The following CNOT4 variants were observed in gnomAD, a reference collection of about 807,000 sequenced individuals.
CNOT4 encodes CCR4-NOT transcription complex subunit 4.
Under a neutral mutation model 73.8 loss-of-function variants are expected in CNOT4, and 8 were observed. The observed-to-expected ratio is 0.11, with a 90% CI of 0.06 to 0.20. The LOEUF (loss-of-function observed/expected upper bound fraction) is 0.20, where lower values mean the gene tolerates loss of function less well. Among genes scored for constraint, CNOT4 ranks in the 10% least tolerant of loss-of-function variants. CNOT4 has a pLI of 1.00. For missense variants in CNOT4, 564 were observed against 883.4 expected (o/e 0.64, Z 4.58); for synonymous variants, 293 against 321.1 (o/e 0.91, Z 0.94).
At chr7:135,494,265 T>A (rs1377096768) in intron 1 of CNOT4, among the ~76,000 whole-genome samples, 2 of 150,066 alleles carry the variant, frequency 1.3e-5, no homozygotes, top group African/African-American at 2.5e-5. Context: ...AGGTCAGGAG[T>A]TCAAGACCAG....
intron 1 of CNOT4, among the ~76,000 whole-genome samples, chr7:135,446,467 T>C (rs1359695385): frequency 6.6e-6 from 1 of 152,196 alleles, no homozygotes; most frequent in Admixed American, 6.5e-5. Flanking sequence ...AAAAATATGC[T>C]GTATACACTT....
intron 1 of CNOT4, among the ~76,000 whole-genome samples, chr7:135,443,168 T>C (rs1369537576): frequency 7.0e-6 from 1 of 143,318 alleles, no homozygotes; most frequent in Non-Finnish European, 1.5e-5. Flanking sequence ...CTGGGCACCA[T>C]GGCGAAACCC....
intron 1 of CNOT4, among the ~76,000 whole-genome samples, chr7:135,502,756 C>T (rs1222987750): frequency 7.2e-6 from 1 of 139,176 alleles, no homozygotes; most frequent in Non-Finnish European, 1.5e-5. Context: ...GTGGAGGTTG[C>T]AGTGAGCCAA....
At chr7:135,431,388 T>C (rs963558875) in intron 2 of CNOT4, among the ~76,000 whole-genome samples, 1 of 152,228 alleles carries the variant, frequency 6.6e-6, no homozygotes, top group African/African-American at 2.4e-5. Flanking sequence ...GGCTTCTTGA[T>C]ATAGATGGTC....
At chr7:135,383,607 C>G (rs572683116) in intron 10 of CNOT4, among the ~76,000 whole-genome samples, 1 of 152,342 alleles carries the variant, frequency 6.6e-6, no homozygotes, top group East Asian at 1.9e-4. Context: ...ACTTCCTACA[C>G]TCATGAAAAG....
chr7:135,373,874 C>T (rs1256361135), intron 10 of CNOT4, among the ~76,000 whole-genome samples: 6 of 152,178 alleles, frequency 3.9e-5, no homozygotes, highest in Non-Finnish European at 8.8e-5. Context: ...AGCCACCATG[C>T]CCAGTCTAGA....
chr7:135,446,239 T>C (rs1407283800), intron 1 of CNOT4, among the ~76,000 whole-genome samples: 1 of 152,116 alleles, frequency 6.6e-6, no homozygotes, highest in African/African-American at 2.4e-5. Context: ...GAAAGTGGAA[T>C]AAAGGTTACT....
intron 10 of CNOT4, chr7:135,387,444 A>AAACTCC (rs1022278096): frequency 1.0e-6 from 1 of 983,364 alleles, no homozygotes; most frequent in Non-Finnish European, 1.2e-6. Context: ...GTAACCTTGA[A>AAACTCC]AACTCCAACT....
intron 8 of CNOT4, among the ~76,000 whole-genome samples, chr7:135,396,655 AAATCTTTGTATGATTCT>A (rs1464632076): frequency 6.6e-6 from 1 of 152,212 alleles, no homozygotes; most frequent in Non-Finnish European, 1.5e-5. Context: ...TTTGTATAAT[AAATCTTTGTATGATTCT>A]TAGGTATTTA....
chr7:135,409,433 CA>C (rs1371364362), intron 7 of CNOT4, among the ~76,000 whole-genome samples: 1 of 152,004 alleles, frequency 6.6e-6, no homozygotes, highest in African/African-American at 2.4e-5. Context: ...TTTATATTTA[CA>C]TACACATATA....
rs189599483 is a variant in CNOT4 at position 135,431,008 on chromosome 7, A to G, written c.174+7150T>C. Among the ~76,000 whole-genome samples, 437 of 152,322 alleles carry G rather than the reference A, an allele frequency of 2.9e-3. 1 individual carries two copies. Among genetic ancestry groups the G allele is most frequent in the African/African-American group, 8.0e-3 (331 of 41,560 alleles). The stretch of plus-strand genomic sequence containing the variant: ...GCCAGGTGCAGTGACTCATGCCTAT[A>G]ATCCCAGCATTTTGGAGGGGACTGA... On this transcript the variant is annotated intron_variant, in intron 2 of 11. Transcript: ENST00000541284.
At chr7:135,457,638 C>T (rs1286503830) in intron 1 of CNOT4, among the ~76,000 whole-genome samples, 1 of 152,046 alleles carries the variant, frequency 6.6e-6, no homozygotes, top group Non-Finnish European at 1.5e-5. Context: ...TACTATTTTA[C>T]ATAAAATATC....
chr7:135,380,680 T>C (rs905723929), intron 10 of CNOT4, among the ~76,000 whole-genome samples: 2 of 152,218 alleles, frequency 1.3e-5, no homozygotes, highest in Non-Finnish European at 2.9e-5. Context: ...AGATTCTGAA[T>C]CTTAAAAGTT....
intron 10 of CNOT4, chr7:135,387,092 A>G: frequency 2.0e-6 from 2 of 984,548 alleles, no homozygotes; most frequent in Non-Finnish European, 2.4e-6. Flanking sequence ...TTGGCCTCTT[A>G]CAGTAAAAAT....
chr7:135,361,832 G>C lies in CNOT4; in HGVS notation c.*1053C>G, dbSNP rs118155090. ...GTTTTCTGTTTTATTTAAGATTTTA[G>C]TTTTAATTCTGAAGAAAGAGGTACA... On this transcript the variant is annotated 3_prime_UTR_variant, in exon 12 of 12. Transcript: ENST00000541284. 1 of 152,630 alleles carries C rather than the reference G, an allele frequency of 6.6e-6. No individual in the cohort carries two copies. Among genetic ancestry groups the C allele is most frequent in the Non-Finnish European group, 1.5e-5 (1 of 68,028 alleles). The allele number at this position is 152,630 out of a possible 1,614,324, so 9.5% of individuals were successfully genotyped here. A position where few individuals can be genotyped will look rare whatever the true frequency, so the allele number is the denominator to read the frequency against.
At position 135,379,308 on chromosome 7, in the gene CNOT4, T is replaced by C. The variant is rs533968423; in HGVS notation, c.1627+14610A>G. Among the ~76,000 whole-genome samples the C allele has an allele frequency of 3.8e-4, 58 of 152,322 alleles. 1 individual carries two copies. The highest frequency in any genetic ancestry group is 1.4e-3 in the African/African-American group (57 of 41,566). On this transcript the variant is annotated intron_variant, in intron 10 of 11. Transcript: ENST00000541284. ...ATTTTAATAATATGCTTCGTTTCAA[T>C]TAAATAGCCATCTACCATTTAAAAT...
intron 8 of CNOT4, among the ~76,000 whole-genome samples, chr7:135,397,899 G>A (rs1398821245): frequency 6.6e-6 from 1 of 151,998 alleles, no homozygotes; most frequent in Non-Finnish European, 1.5e-5. Flanking sequence ...GGACCATTTG[G>A]CACAGGGTCA....
chr7:135,416,474 C>T (rs1585610380), intron 3 of CNOT4, among the ~76,000 whole-genome samples: 1 of 152,248 alleles, frequency 6.6e-6, no homozygotes, highest in African/African-American at 2.4e-5. Context: ...CCACCCAAAA[C>T]CCCTGAGGGA....
At chr7:135,404,399 C>T (rs1797167065) in intron 7 of CNOT4, among the ~76,000 whole-genome samples, 1 of 152,020 alleles carries the variant, frequency 6.6e-6, no homozygotes, top group Non-Finnish European at 1.5e-5. Context: ...GACCAGTGCC[C>T]TCTACACCAA....
Sources: gnomAD v4.1 joint callset for allele counts (sites outside exome capture counted in the v4.1 genomes callset) on GRCh38, gnomAD v4.1.1 for gene constraint, MANE v1.5 for transcripts, NCBI Gene and HGNC (gene_info 2026-07-23, HGNC 2026-07-21) for gene names.